The following ZKSCAN7 variants were observed in gnomAD, a reference collection of about 807,000 sequenced individuals.
ZKSCAN7 encodes zinc finger protein with KRAB and SCAN domains 7.
Under a neutral mutation model 65.3 loss-of-function variants are expected in ZKSCAN7, and 38 were observed. That is an observed-to-expected ratio of 0.58 (90% confidence interval 0.45 to 0.76). The LOEUF (loss-of-function observed/expected upper bound fraction) is 0.76. Among genes scored for constraint, ZKSCAN7 ranks in the 30% least tolerant of loss-of-function variants. The probability of loss-of-function intolerance (pLI) is 0.00; values close to 1 mark genes in which losing one functional copy is unlikely to be tolerated. For missense variants in ZKSCAN7, 815 were observed against 913.3 expected, an observed-to-expected ratio of 0.89 and a Z score of 1.39; for synonymous variants, 321 against 321.0, an observed-to-expected ratio of 1.00 and a Z score of 0.00.
At chr3:44,580,050 C>T in intron 5 of ZKSCAN7, 1 of 1,586,042 alleles carries the variant, frequency 6.3e-7, no homozygotes, top group South Asian at 1.1e-5. Context: ...GCGTGTGTCA[C>T]TGGATGGCGA....
chr3:44,572,499 A>G (rs1035418588), downstream of ZKSCAN7, among the ~76,000 whole-genome samples: 1 of 151,958 alleles, frequency 6.6e-6, no homozygotes, highest in Non-Finnish European at 1.5e-5. Context: ...TTTCCCCTAC[A>G]TGCTGATTCT....
chr3:44,576,051 A>G (rs1302780279), downstream of ZKSCAN7, among the ~76,000 whole-genome samples: 1 of 152,112 alleles, frequency 6.6e-6, no homozygotes, highest in African/African-American at 2.4e-5. Context: ...TGATATATAT[A>G]TAATTTTTTT....
rs775122975 is a variant in ZKSCAN7, at chr3:44,570,840, A to C, written c.1730A>C (p.Lys577Thr). 1.4e-5 allele frequency: 22 copies of C among 1,614,244 alleles called. No individual in the cohort carries two copies. The highest frequency in any genetic ancestry group is 1.9e-5 in the Non-Finnish European group (22 of 1,180,034). The change falls in exon 6 of 6, where the codon AAG (lysine) becomes ACG (threonine). Residue 577 changes from lysine to threonine, a missense_variant. Coordinates refer to ENST00000426540, the MANE Select transcript of ZKSCAN7 (RefSeq NM_001288590.2). ...IRHQSLHTGE[K>T]PYKCSECGKA... ...CATCAGAGCCTCCATACTGGGGAAA[A>C]GCCATACAAATGTAGTGAATGTGGG...
At chr3:44,574,598 A>T (rs1699887353), downstream of ZKSCAN7, among the ~76,000 whole-genome samples, 1 of 152,204 alleles carries the variant, frequency 6.6e-6, no homozygotes, top group Non-Finnish European at 1.5e-5. Flanking sequence ...TCCTTCTAAT[A>T]TTATTTCTAG....
chr3:44,577,537 C>G (rs1158350031), intron 5 of ZKSCAN7, among the ~76,000 whole-genome samples: 54 of 152,246 alleles, frequency 3.5e-4, no homozygotes, highest in Non-Finnish European at 4.4e-5. Context: ...GGGATTCCAT[C>G]TATCTTGAGG....
chr3:44,582,312 A>C (rs80211170), intron 5 of ZKSCAN7, among the ~76,000 whole-genome samples: 1 of 152,212 alleles, frequency 6.6e-6, no homozygotes, highest in Non-Finnish European at 1.5e-5. Flanking sequence ...AGTGCTTTAC[A>C]TGAAAACACA....
Position 44,568,345 on chromosome 3 carries a change from T to G in ZKSCAN7, c.723T>G (p.Thr241=), listed in dbSNP as rs1243512248. The G allele has an allele frequency of 2.5e-6, 4 of 1,613,814 alleles. No homozygotes were observed. Among genetic ancestry groups the G allele is most frequent in the Non-Finnish European group, 3.4e-6 (4 of 1,179,986 alleles). ...ATGAGGACCTATCTGTAGACTACACTCAGAAGAAATGGAAAAGTCTCACAC... is the reference window on the plus strand; with the variant it reads ...ATGAGGACCTATCTGTAGACTACACGCAGAAGAAATGGAAAAGTCTCACAC... The part of the protein sequence containing the change: ...VAYEDLSVDY[T]QKKWKSLTLS... The change falls in exon 5 of 6, where the codon ACT becomes ACG. Residue 241 remains threonine, a synonymous_variant. Transcript: ENST00000426540.
chr3:44,570,959 G>A lies in ZKSCAN7; in HGVS notation c.1849G>A (p.Gly617Ser). ...ATGTAGCGAGTGTGGTAAGGCATTTGGTCTGAGTAAATGTCTTATTCGGCA... is the reference window on the plus strand; with the variant it reads ...ATGTAGCGAGTGTGGTAAGGCATTTAGTCTGAGTAAATGTCTTATTCGGCA... Reference protein sequence around the residue: ...FECSECGKAFGLSKCLIRHQR... With the variant: ...FECSECGKAFSLSKCLIRHQR... The change falls in exon 6 of 6, where the codon GGT becomes AGT. Residue 617 changes from glycine to serine, a missense_variant. Gly to Ser is a moderately conservative substitution (Grantham distance 56, BLOSUM62 0). Transcript: ENST00000426540. 6.2e-7 allele frequency: 1 copy of A among 1,614,084 alleles called. No individual in the cohort carries two copies. The highest frequency in any genetic ancestry group is 8.5e-7 in the Non-Finnish European group (1 of 1,180,006).
chr3:44,564,157 A>G (rs953500188), intron 2 of ZKSCAN7, among the ~76,000 whole-genome samples: 1 of 152,240 alleles, frequency 6.6e-6, no homozygotes, highest in Admixed American at 6.5e-5. Flanking sequence ...TCTGCCCTAC[A>G]TGCTGGTAAA....
At position 44,571,115 on chromosome 3, in the gene ZKSCAN7, G is replaced by A. The variant is rs1559429817; in HGVS notation, c.2005G>A (p.Gly669Arg). ...GEKPYECNECGKVFSYSSSLM... is the reference protein window; with the variant it reads ...GEKPYECNECRKVFSYSSSLM... ...GAAACCCTATGAATGTAATGAGTGT[G>A]GGAAGGTATTCAGTTATAGCTCCAG... Residue 669 changes from glycine (G) to arginine (R), a missense_variant, in exon 6 of 6, where the codon GGG becomes AGG. Gly to Arg is a moderately radical substitution (Grantham distance 125). Transcript: ENST00000426540. The A allele has an allele frequency of 1.2e-6, 2 of 1,614,140 alleles. No homozygotes were observed.
intron 5 of ZKSCAN7, chr3:44,582,878 T>A (rs1327773198): frequency 5.0e-6 from 2 of 397,422 alleles, no homozygotes; most frequent in Non-Finnish European, 1.0e-5. Context: ...AAGTTAAAGA[T>A]CACAGCTCCC....
In ZKSCAN7 at chr3:44,581,179, A is replaced by G. The variant is rs1700075557; in HGVS notation, c.812-1793A>G. Reference sequence around the variant, plus strand: ...TGCGGGCGGCTCGCTGCACGCGCCGAGGCTCCTGAGCCGCCCGGGCCTCAC... The same window carrying G: ...TGCGGGCGGCTCGCTGCACGCGCCGGGGCTCCTGAGCCGCCCGGGCCTCAC... On this transcript the variant is annotated intron_variant, in intron 5 of 5. Transcript: ENST00000341840. 2.0e-5 allele frequency among the ~76,000 whole-genome samples: 3 copies of G among 146,874 alleles called. No individual in the cohort carries two copies. The South Asian group carries it at 6.2e-4, about 31-fold the overall frequency.
chr3:44,556,623 T>C (rs146274164), intron 1 of ZKSCAN7, among the ~76,000 whole-genome samples: 63 of 152,364 alleles, frequency 4.1e-4, no homozygotes, highest in African/African-American at 1.5e-3. Context: ...ATTTCCCACA[T>C]TGGAGACCAT....
At position 44,560,795 on chromosome 3, in the gene ZKSCAN7, A is replaced by G. The variant is rs531937367; in HGVS notation, c.423+3325A>G. ...AGTGCTGGGATTACAGGCATGAGCC[A>G]CCACGCCTGGCCTGTTTCCTGTATC... On this transcript the variant is annotated intron_variant, in intron 2 of 5. Transcript: ENST00000426540. 2.6e-5 allele frequency among the ~76,000 whole-genome samples: 4 copies of G among 152,290 alleles called. No homozygotes were observed. The East Asian group carries it at 7.7e-4, about 29-fold the overall frequency.
At chr3:44,581,119 C>A (rs1190485355) in intron 5 of ZKSCAN7, 5 of 993,360 alleles carry the variant, frequency 5.0e-6, no homozygotes, top group Non-Finnish European at 6.0e-6. Flanking sequence ...CATCCCTCGC[C>A]GGCCCTGCCA....
In ZKSCAN7 at chr3:44,569,968, A is replaced by AT; in HGVS notation, c.864dup (p.Lys289Ter). ...GTTCAGAGTTGACTCCAAAGCAGGA[A>AT]TTTTTTAAAGGATCAGAGTCATCTA... On this transcript the variant is annotated frameshift_variant, in exon 6 of 6. Transcript: ENST00000426540. LOFTEE classifies it high-confidence loss of function. The AT allele has an allele frequency of 3.2e-6, 5 of 1,573,780 alleles. No individual in the cohort carries two copies. Among genetic ancestry groups the AT allele is most frequent in the East Asian group, 4.5e-5 (2 of 44,558 alleles).
rs763723835 is a variant in ZKSCAN7, at chr3:44,571,279, A to G, written c.2169A>G (p.Glu723=). 3 of 1,614,250 alleles carry G rather than the reference A, an allele frequency of 1.9e-6. No individual in the cohort carries two copies. The highest frequency in any genetic ancestry group is 2.5e-6 in the Non-Finnish European group (3 of 1,180,046). ...HTGEKPYECS[E]CGKAFSQRST... is the part of the protein sequence containing the mutation. ...GAGAGAAACCTTATGAATGTAGTGA[A>G]TGTGGGAAAGCCTTTAGTCAGCGTT... Residue 723 remains glutamate, a synonymous_variant, in exon 6 of 6, where the codon GAA becomes GAG. Transcript: ENST00000426540.
intron 2 of ZKSCAN7, among the ~76,000 whole-genome samples, chr3:44,561,597 TA>T (rs1441162962): frequency 6.6e-6 from 1 of 152,144 alleles, no homozygotes; most frequent in Non-Finnish European, 1.5e-5. Context: ...TATGAGCCTG[TA>T]AAATAAAAAA....
chr3:44,582,774 C>G (rs971921399), intron 5 of ZKSCAN7, among the ~76,000 whole-genome samples: 1 of 152,098 alleles, frequency 6.6e-6, no homozygotes, highest in Non-Finnish European at 1.5e-5. Context: ...AGTAATCATT[C>G]CTCCCTGGGA....
Sources: allele counts gnomAD v4.1 joint callset (sites outside exome capture counted in the v4.1 genomes callset), GRCh38; gene constraint gnomAD v4.1.1; transcripts MANE v1.5; gene names NCBI Gene and HGNC (gene_info 2026-07-23, HGNC 2026-07-21).